PIP4K2C: variants seen among roughly 807,000 people sequenced by gnomAD.
PIP4K2C encodes the protein phosphatidylinositol-5-phosphate 4-kinase type 2 gamma, also known as phosphatidylinositol 5-phosphate 4-kinase type-2 gamma.
In PIP4K2C, 21 loss-of-function variants were observed where a neutral mutation model predicts 45.0. That is an observed-to-expected ratio of 0.47 (90% CI 0.33 to 0.67). The LOEUF (loss-of-function observed/expected upper bound fraction) is 0.67, where lower values mean the gene tolerates loss of function less well. PIP4K2C is among the 30% of genes least tolerant of loss of function. The pLI is 0.02. For missense variants in PIP4K2C, 456 were observed against 542.8 expected (o/e 0.84, Z 1.59); for synonymous variants, 201 against 204.8 (o/e 0.98, Z 0.16).
Position 57,602,679 on chromosome 12 carries a change from A to G in PIP4K2C, c.*1073A>G, listed in dbSNP as rs773102650. 6.6e-6 allele frequency: 1 copy of G among 152,120 alleles called. No homozygotes were observed. The highest frequency in any genetic ancestry group is 1.5e-5 in the Non-Finnish European group (1 of 68,010). The allele number at this position is 152,120 out of a possible 1,614,324, so 9.4% of individuals were successfully genotyped here. On this transcript the variant is annotated 3_prime_UTR_variant, in exon 10 of 10. Coordinates refer to ENST00000354947, the MANE Select transcript of PIP4K2C (RefSeq NM_024779.5). ...ACTTCCTTCTCCCACCCCTTTTTCC[A>G]GTTGGATTTGTTTTTCTGTTCTCTT...
rs56900742 is a variant in PIP4K2C, at chr12:57,593,675, G to GTTTTTTTTTTTTTTTT, written c.175-333_175-318dup. Among the ~76,000 whole-genome samples, 4 of 64,048 alleles carry GTTTTTTTTTTTTTTTT rather than the reference G, an allele frequency of 6.2e-5. 1 individual carries two copies. Among genetic ancestry groups the GTTTTTTTTTTTTTTTT allele is most frequent in the African/African-American group, 2.9e-4 (4 of 13,694 alleles). The allele number at this position is 64,048 out of a possible 152,430, so 42.0% of individuals were successfully genotyped here. A position where few individuals can be genotyped will look rare whatever the true frequency, so the allele number is the denominator to read the frequency against. On this transcript the variant is annotated intron_variant, in intron 1 of 9. Transcript: ENST00000354947. ...CATGTAGCTGCCTTGAGCTTGCAGA[G>GTTTTTTTTTTTTTTTT]TTTTTTTTTTTTTTTTTTTTTTTTT...
In PIP4K2C at chr12:57,601,292, A is replaced by G; in HGVS notation, c.1129A>G (p.Thr377Ala). The change falls in exon 9 of 10, where the codon ACA (threonine) becomes GCA (alanine). Residue 377 changes from threonine (T) to alanine (A), a missense_variant. This residue lies in a region of PIP4K2C where 35 missense variants were observed against 69.7 expected (regional missense o/e 0.50). Coordinates refer to ENST00000354947, the MANE Select transcript of PIP4K2C (RefSeq NM_024779.5). ...VYFMGLIDIL[T>A]QYDAKKKAAH... ...CTTCATGGGCCTCATTGATATCCTT[A>G]CACAGTATGATGCTAAGAAGAAAGC... is the stretch of plus-strand genomic sequence containing the variant. 3 of 1,614,102 alleles carry G rather than the reference A, an allele frequency of 1.9e-6. No individual in the cohort carries two copies. The highest frequency in any genetic ancestry group is 2.5e-6 in the Non-Finnish European group (3 of 1,179,988).
intron 4 of PIP4K2C, among the ~76,000 whole-genome samples, chr12:57,598,550 A>G (rs1441031306): frequency 7.2e-6 from 1 of 139,142 alleles, no homozygotes; most frequent in Non-Finnish European, 1.5e-5. Context: ...AAAAATCCAA[A>G]TTGTAGGCCA....
rs762831731 is a variant in PIP4K2C, at chr12:57,599,048, C to A, written c.514-17C>A. 32 of 1,611,770 alleles carry A rather than the reference C, an allele frequency of 2.0e-5. No individual in the cohort carries two copies. The highest frequency in any genetic ancestry group is 2.7e-5 in the Non-Finnish European group (32 of 1,178,524). ...CTACTCAGCCTCTCCCCATTCCTTCCCCCTCTTTCACTGTAGTACATTGTG... is the reference window on the plus strand; with the variant it reads ...CTACTCAGCCTCTCCCCATTCCTTCACCCTCTTTCACTGTAGTACATTGTG... On this transcript the variant is annotated splice_polypyrimidine_tract_variant and intron_variant, in intron 4 of 9. Transcript: ENST00000354947.
Position 57,599,211 on chromosome 12 carries a change from G to A in PIP4K2C, c.660G>A (p.Lys220=). Residue 220 remains lysine (K), a splice_region_variant and synonymous_variant, in exon 5 of 10, where the codon AAG becomes AAA. Coordinates refer to ENST00000354947, the MANE Select transcript of PIP4K2C (RefSeq NM_024779.5). ...RLPVHRKYDL[K]GSLVSREASD... ...CTGTGCACAGGAAGTATGACCTCAA[G>A]GTAAGAAGAGGGTAGCTCGGACTTA... 1.2e-6 allele frequency: 2 copies of A among 1,614,088 alleles called. No individual in the cohort carries two copies. Among genetic ancestry groups the A allele is most frequent in the South Asian group, 2.2e-5 (2 of 91,080 alleles).
At chr12:57,601,432 A>G in intron 9 of PIP4K2C, 84 bp downstream of exon 9, 1 of 1,534,274 alleles carries the variant, frequency 6.5e-7, no homozygotes, top group African/African-American at 1.4e-5. Context: ...ATGGGGTGGC[A>G]AAAGAATGGA....
At position 57,600,791 on chromosome 12, in the gene PIP4K2C, G is replaced by C; in HGVS notation, c.814-20G>C. ...AGTGAAGAGTGAGAGAGAGGTGTCT[G>C]ATTTGTCAGTGGGTCTCAGTTTCTA... On this transcript the variant is annotated intron_variant, in intron 7 of 9. Transcript: ENST00000354947. 6.2e-7 allele frequency: 1 copy of C among 1,613,520 alleles called. No individual in the cohort carries two copies. Among genetic ancestry groups the C allele is most frequent in the Non-Finnish European group, 8.5e-7 (1 of 1,179,656 alleles).
At position 57,591,281 on chromosome 12, in the gene PIP4K2C, C is replaced by T. The variant is rs1302683576; in HGVS notation, c.-9C>T. On this transcript the variant is annotated 5_prime_UTR_variant, in exon 1 of 10. Transcript: ENST00000354947. ...TCCGGCTTCCACTTGGTCGGTTGCG[C>T]GGGAGACTATGGCGTCCTCCTCGGT... 1.9e-6 allele frequency: 3 copies of T among 1,598,746 alleles called. No homozygotes were observed. The highest frequency in any genetic ancestry group is 1.1e-5 in the South Asian group (1 of 90,252).
intron 4 of PIP4K2C, among the ~76,000 whole-genome samples, chr12:57,597,439 A>G (rs1317012588): frequency 6.6e-6 from 1 of 152,188 alleles, no homozygotes; most frequent in Non-Finnish European, 1.5e-5. Flanking sequence ...GGAGGAAGAA[A>G]GTTCTGATTT....
In PIP4K2C at chr12:57,600,343, T is replaced by G; in HGVS notation, c.719T>G (p.Leu240Arg). The stretch of plus-strand genomic sequence containing the variant: ...TCTTAGGTTAAAGAATTGCCCACCC[T>G]TAAGGATATGGACTTTCTCAACAAG... ...DKEKVKELPT[L>R]KDMDFLNKNQ... The change falls in exon 7 of 10, where the codon CTT becomes CGT. Residue 240 changes from leucine (L) to arginine (R), a missense_variant. By Grantham distance (102) the Leu-to-Arg change is moderately radical. Coordinates refer to ENST00000354947, the MANE Select transcript of PIP4K2C (RefSeq NM_024779.5). The G allele has an allele frequency of 6.2e-7, 1 of 1,606,162 alleles. No individual in the cohort carries two copies. The highest frequency in any genetic ancestry group is 1.1e-5 in the South Asian group (1 of 90,774).
intron 7 of PIP4K2C, among the ~76,000 whole-genome samples, 161 bp from the exon 8 acceptor site, chr12:57,600,650 C>T (rs915038426): frequency 6.6e-6 from 1 of 152,190 alleles, no homozygotes; most frequent in African/African-American, 2.4e-5. Context: ...ATCTTAGATA[C>T]TAGGACATAT....
In PIP4K2C at chr12:57,600,971, A is replaced by T. The variant is rs753747468; in HGVS notation, c.974A>T (p.Tyr325Phe). Residue 325 changes from tyrosine (Y) to phenylalanine (F), a missense_variant, in exon 8 of 10, where the codon TAT becomes TTT. This residue lies in a region of PIP4K2C where 421 missense variants were observed against 473.1 expected (regional missense o/e 0.89). Transcript: ENST00000354947. ...LTGPPALVGS[Y>F]GTSPEGIGGY... The stretch of plus-strand genomic sequence containing the variant: ...GGACCTCCTGCTCTGGTGGGCTCCT[A>T]TGGCACCTCCCCAGAGGGTATCGGA... 6.2e-7 allele frequency: 1 copy of T among 1,614,082 alleles called. No homozygotes were observed. The highest frequency in any genetic ancestry group is 8.5e-7 in the Non-Finnish European group (1 of 1,180,040).
At chr12:57,595,789 C>T (rs1883165088) in intron 3 of PIP4K2C, 99 bp from the exon 4 acceptor site, 5 of 1,310,016 alleles carry the variant, frequency 3.8e-6, no homozygotes, top group Middle Eastern at 2.6e-4. Context: ...GAATCTCCTA[C>T]CCCAGGGATT....
intron 4 of PIP4K2C, among the ~76,000 whole-genome samples, chr12:57,596,501 A>AT (rs1461984858): frequency 3.3e-5 from 3 of 91,530 alleles, no homozygotes; most frequent in East Asian, 3.3e-4. Context: ...AAAAAAAAAG[A>AT]TTAAAAAAAA....
At position 57,601,248 on chromosome 12, in the gene PIP4K2C, C is replaced by T; in HGVS notation, c.1085C>T (p.Ala362Val). 5 of 1,610,504 alleles carry T rather than the reference C, an allele frequency of 3.1e-6. No individual in the cohort carries two copies. The highest frequency in any genetic ancestry group is 4.2e-6 in the Non-Finnish European group (5 of 1,177,596). Reference sequence around the variant, plus strand: ...GAATTGTTGGTCTCTCTCCCAGGAGCCCCCCAGAAGGAGGTCTACTTCATG... The same window carrying T: ...GAATTGTTGGTCTCTCTCCCAGGAGTCCCCCAGAAGGAGGTCTACTTCATG... ...DVYAIRSAEG[A>V]PQKEVYFMGL... Residue 362 changes from alanine (A) to valine (V), a missense_variant, in exon 9 of 10, where the codon GCC (alanine) becomes GTC (valine). By Grantham distance (64) the Ala-to-Val change is moderately conservative. Coordinates refer to ENST00000354947, the MANE Select transcript of PIP4K2C (RefSeq NM_024779.5).
In PIP4K2C at chr12:57,599,197, A is replaced by G. The variant is rs750952473; in HGVS notation, c.646A>G (p.Lys216Glu). The G allele has an allele frequency of 6.2e-7, 1 of 1,614,158 alleles. No homozygotes were observed. The highest frequency in any genetic ancestry group is 2.2e-5 in the East Asian group (1 of 44,880). Residue 216 changes from lysine to glutamate, a missense_variant, in exon 5 of 10, where the codon AAG becomes GAG. Physicochemically the swap from Lys to Glu is moderately conservative, Grantham distance 56. Transcript: ENST00000354947. Reference protein sequence around the residue: ...MFSHRLPVHRKYDLKGSLVSR... With the variant: ...MFSHRLPVHREYDLKGSLVSR... Reference sequence around the variant, plus strand: ...TAGCCACCGTCTTCCTGTGCACAGGAAGTATGACCTCAAGGTAAGAAGAGG... The same window carrying G: ...TAGCCACCGTCTTCCTGTGCACAGGGAGTATGACCTCAAGGTAAGAAGAGG...
intron 1 of PIP4K2C, among the ~76,000 whole-genome samples, chr12:57,593,296 C>T (rs1450714102): frequency 6.6e-6 from 1 of 152,020 alleles, no homozygotes; most frequent in Non-Finnish European, 1.5e-5. Flanking sequence ...CCCTTTCTAC[C>T]CTGAATTAGC....
At position 57,603,029 on chromosome 12, in the gene PIP4K2C, TCTGG is replaced by T. The variant is rs1883513326; in HGVS notation, c.*1428_*1431del. 6.6e-6 allele frequency: 1 copy of T among 152,308 alleles called. No individual in the cohort carries two copies. Among genetic ancestry groups the T allele is most frequent in the Admixed American group, 6.5e-5 (1 of 15,272 alleles). 9.4% of individuals were successfully genotyped at this position (152,308 alleles called of 1,614,324 possible). A position where few individuals can be genotyped will look rare whatever the true frequency, so the allele number is the denominator to read the frequency against. On this transcript the variant is annotated 3_prime_UTR_variant, in exon 10 of 10. Coordinates refer to ENST00000354947, the MANE Select transcript of PIP4K2C (RefSeq NM_024779.5). ...TGATGCAAAGCTGCTTTGCTCTGTA[TCTGG>T]CTGGACTGATCTGTCTCACAAGAAG...
In PIP4K2C at chr12:57,601,683, C is replaced by T. The variant is rs1023092980; in HGVS notation, c.*77C>T. 1.1e-5 allele frequency: 14 copies of T among 1,266,078 alleles called. No individual in the cohort carries two copies. The Admixed American group carries it at 2.0e-4, about 18-fold the overall frequency. The allele number at this position is 1,266,078 out of a possible 1,614,324, so 78.4% of individuals were successfully genotyped here. On this transcript the variant is annotated 3_prime_UTR_variant, in exon 10 of 10. Transcript: ENST00000354947. ...TGGGGGAATTGTGGGGATATTCTAG[C>T]CACCAGTTCTCTTCTTCCTTTGCTA...
Sources: allele counts gnomAD v4.1 joint callset (sites outside exome capture counted in the v4.1 genomes callset), GRCh38; gene constraint gnomAD v4.1.1; regional missense constraint gnomAD v4.1.1; transcripts MANE v1.5; gene names NCBI Gene and HGNC (gene_info 2026-07-23, HGNC 2026-07-21).